PLPP1: variants seen among roughly 807,000 people sequenced by gnomAD.
PLPP1 encodes the protein lipid phosphate phosphohydrolase 1a.
In PLPP1, 24 loss-of-function variants were observed where a neutral mutation model predicts 31.2. The observed-to-expected ratio is 0.77, with a 90% CI of 0.56 to 1.08. The LOEUF is 1.08. PLPP1 is among the 50% of genes least tolerant of loss of function. The pLI, the probability that PLPP1 is intolerant of heterozygous loss-of-function variation, is 0.00. For missense variants in PLPP1, 319 were observed against 342.7 expected (o/e 0.93, Z 0.55); for synonymous variants, 146 against 126.3 (o/e 1.16, Z -1.05).
intron 4 of PLPP1, among the ~76,000 whole-genome samples, chr5:55,434,043 C>T (rs4865939): frequency 0.86 from 129,794 of 150,892 alleles, 56,211 homozygotes; most frequent in South Asian, 0.92. Flanking sequence ...GAGGGAGAAT[C>T]GCTTGAACTT....
chr5:55,493,178 G>A (rs1752931927), intron 1 of PLPP1, among the ~76,000 whole-genome samples: 1 of 152,012 alleles, frequency 6.6e-6, no homozygotes, highest in Non-Finnish European at 1.5e-5. Context: ...GGCTGGGCAT[G>A]GTGGCATGTG....
chr5:55,533,943 G>C (rs964900855), intron 1 of PLPP1, among the ~76,000 whole-genome samples: 2 of 152,102 alleles, frequency 1.3e-5, no homozygotes, highest in African/African-American at 2.4e-5. Context: ...ACAAGAGATG[G>C]AAAGCTACAC....
intron 1 of PLPP1, among the ~76,000 whole-genome samples, chr5:55,488,490 A>G (rs1448767000): frequency 6.6e-6 from 1 of 152,026 alleles, no homozygotes; most frequent in East Asian, 1.9e-4. Flanking sequence ...TACTAAAAAT[A>G]CAAAAATTAG....
At chr5:55,490,042 A>C (rs1357584743) in intron 1 of PLPP1, among the ~76,000 whole-genome samples, 1 of 152,182 alleles carries the variant, frequency 6.6e-6, no homozygotes, top group Non-Finnish European at 1.5e-5. Context: ...CTTAAACTAG[A>C]ATGAAAATTT....
chr5:55,490,134 CTTTTCTTTTCTTTT>C (rs1487866706), intron 1 of PLPP1, among the ~76,000 whole-genome samples: 1 of 140,106 alleles, frequency 7.1e-6, no homozygotes, highest in Non-Finnish European at 1.5e-5. Flanking sequence ...GAAATAGTGA[CTTTTCTTTTCTTTT>C]TTTTTTTTTT....
At chr5:55,532,775 G>T (rs1413210898) in intron 1 of PLPP1, among the ~76,000 whole-genome samples, 1 of 152,020 alleles carries the variant, frequency 6.6e-6, no homozygotes, top group Non-Finnish European at 1.5e-5. Context: ...TGGCCAAGAC[G>T]GTGAAACCCC....
intron 3 of PLPP1, among the ~76,000 whole-genome samples, chr5:55,448,747 C>T (rs1040865875): frequency 3.3e-5 from 5 of 152,072 alleles, no homozygotes; most frequent in African/African-American, 1.2e-4. Flanking sequence ...CGCACCCAGC[C>T]GATTCTACTA....
At chr5:55,531,259 C>G (rs1740659225) in intron 1 of PLPP1, among the ~76,000 whole-genome samples, 1 of 152,200 alleles carries the variant, frequency 6.6e-6, no homozygotes, top group South Asian at 2.1e-4. Context: ...AAGGATTTAT[C>G]AGATCCACTT....
chr5:55,506,649 A>G (rs1753285880), intron 1 of PLPP1, among the ~76,000 whole-genome samples: 1 of 152,242 alleles, frequency 6.6e-6, no homozygotes, highest in African/African-American at 2.4e-5. Context: ...TTTACCAAAA[A>G]GGTAATAAAT....
At chr5:55,527,348 G>T (rs1213562339) in intron 1 of PLPP1, among the ~76,000 whole-genome samples, 2 of 152,136 alleles carry the variant, frequency 1.3e-5, no homozygotes, top group Non-Finnish European at 2.9e-5. Context: ...ATCTAGCATT[G>T]GTTGCAAATG....
chr5:55,425,375 TAAA>T (rs1196360917), intron 5 of PLPP1, 41 bp from the exon 6 acceptor site: 4 of 1,515,946 alleles, frequency 2.6e-6, no homozygotes, highest in Non-Finnish European at 3.6e-6. Context: ...TAGATCAAGT[TAAA>T]AACTACATAC....
intron 3 of PLPP1, among the ~76,000 whole-genome samples, chr5:55,444,167 C>T (rs748829085): frequency 5.3e-5 from 8 of 151,012 alleles, no homozygotes; most frequent in Non-Finnish European, 1.2e-4. Context: ...CTGCAACCTC[C>T]GCCTCCCGGG....
At chr5:55,503,913 G>GTA (rs1753203502) in intron 1 of PLPP1, among the ~76,000 whole-genome samples, 1 of 13,704 alleles carries the variant, frequency 7.3e-5, no homozygotes, top group Admixed American at 8.0e-4. Flanking sequence ...GGGGGAGGAA[G>GTA]GGGGGGGAGG....
chr5:55,509,535 G>A (rs897161487), intron 1 of PLPP1, among the ~76,000 whole-genome samples: 7 of 151,992 alleles, frequency 4.6e-5, no homozygotes, highest in African/African-American at 1.4e-4. Flanking sequence ...AAAGCAGTTG[G>A]GATATAGGAT....
In PLPP1 at chr5:55,489,352, G is replaced by C. The variant is rs546217452; in HGVS notation, c.59-13902C>G. Among the ~76,000 whole-genome samples, 17 of 152,210 alleles carry C rather than the reference G, an allele frequency of 1.1e-4. No individual in the cohort carries two copies. In the East Asian group the frequency reaches 3.1e-3, roughly 28 times the overall value. ...CCACAACTACTTAGTACTTCATATA[G>C]TACAGAAACACCGTCTATTGTCATC... On this transcript the variant is annotated intron_variant, in intron 1 of 5. Transcript: ENST00000307259.
At chr5:55,497,936 C>A (rs1753038020) in intron 1 of PLPP1, among the ~76,000 whole-genome samples, 1 of 152,072 alleles carries the variant, frequency 6.6e-6, no homozygotes, top group Non-Finnish European at 1.5e-5. Context: ...ATTGTCCAAA[C>A]CCATCTAGAA....
rs564090597 is a variant in PLPP1 at position 55,454,846 on chromosome 5, A to G, written c.492-12938T>C. On this transcript the variant is annotated intron_variant, in intron 3 of 5. Coordinates refer to ENST00000307259, the MANE Select transcript of PLPP1 (RefSeq NM_003711.4). ...CTTAACAAATGAATCCTTTAGCATCATAAATGCTTACCCAGTAATGTCTAC... is the reference window on the plus strand; with the variant it reads ...CTTAACAAATGAATCCTTTAGCATCGTAAATGCTTACCCAGTAATGTCTAC... Among the ~76,000 whole-genome samples the G allele has an allele frequency of 1.5e-3, 222 of 152,358 alleles. 1 individual carries two copies. The highest frequency in any genetic ancestry group is 2.6e-3 in the Non-Finnish European group (180 of 68,038).
intron 1 of PLPP1, among the ~76,000 whole-genome samples, chr5:55,498,554 T>C (rs966503884): frequency 6.6e-6 from 1 of 152,178 alleles, no homozygotes; most frequent in South Asian, 2.1e-4. Flanking sequence ...TCAAGGAATA[T>C]TTATGAAATG....
intron 4 of PLPP1, among the ~76,000 whole-genome samples, chr5:55,430,901 T>C (rs1468533526): frequency 6.6e-6 from 1 of 151,264 alleles, no homozygotes; most frequent in Non-Finnish European, 1.5e-5. Flanking sequence ...GACATAGATA[T>C]AAAAAAAAAT....
Sources: gnomAD v4.1 joint callset for allele counts (sites outside exome capture counted in the v4.1 genomes callset) on GRCh38, gnomAD v4.1.1 for gene constraint, MANE v1.5 for transcripts, NCBI Gene and HGNC (gene_info 2026-07-23, HGNC 2026-07-21) for gene names.